CLSTN2: variants seen among roughly 807,000 people sequenced by gnomAD.
CLSTN2 encodes the protein calsyntenin-2.
CLSTN2 carries 48 observed loss-of-function variants against 101.2 expected under a neutral mutation model. The observed-to-expected ratio is 0.47, with a 90% confidence interval of 0.38 to 0.60. The LOEUF is 0.60. CLSTN2 is among the 20% of genes least tolerant of loss of function. The pLI is 0.00. For synonymous variants in CLSTN2, 481 were observed against 463.6 expected (o/e 1.04, Z -0.48); for missense variants, 1,160 against 1,238.2 (o/e 0.94, Z 0.95).
chr3:140,292,031 T>C (rs940010667), intron 2 of CLSTN2, among the ~76,000 whole-genome samples: 5 of 152,018 alleles, frequency 3.3e-5, no homozygotes, highest in Non-Finnish European at 5.9e-5. Context: ...TAAAACAAAA[T>C]CTAGATCATC....
intron 2 of CLSTN2, among the ~76,000 whole-genome samples, chr3:140,340,727 A>T (rs2087484072): frequency 6.6e-6 from 1 of 152,162 alleles, no homozygotes; most frequent in Non-Finnish European, 1.5e-5. Context: ...CAGATTTCCT[A>T]ACTTTTTACC....
chr3:140,264,375 AATATATATAT>A lies in CLSTN2; in HGVS notation c.232+88346_232+88355del, dbSNP rs61248635. ...CTGTGAGTTCAAGGTTAATGAATCA[AATATATATAT>A]ATATATATATATATATATATATATA... On this transcript the variant is annotated intron_variant, in intron 2 of 16. Coordinates refer to ENST00000458420, the MANE Select transcript of CLSTN2 (RefSeq NM_022131.3). 8.3e-3 allele frequency among the ~76,000 whole-genome samples: 819 copies of A among 98,266 alleles called. 10 individuals carry two copies. Among genetic ancestry groups the A allele is most frequent in the East Asian group, 0.012 (14 of 1,176 alleles). The allele number at this position is 98,266 out of a possible 152,430, so 64.5% of individuals were successfully genotyped here.
chr3:140,168,256 T>C (rs1234869474), intron 1 of CLSTN2, among the ~76,000 whole-genome samples: 3 of 152,188 alleles, frequency 2.0e-5, no homozygotes, highest in African/African-American at 7.2e-5. Flanking sequence ...GTGGCTTCAA[T>C]TTACATGCCC....
intron 2 of CLSTN2, among the ~76,000 whole-genome samples, chr3:140,294,448 C>A (rs1178581656): frequency 1.3e-5 from 2 of 152,184 alleles, no homozygotes; most frequent in African/African-American, 4.8e-5. Flanking sequence ...CCATTAAGAA[C>A]ATCACTGATC....
chr3:139,945,469 T>C (rs575013818), intron 1 of CLSTN2, among the ~76,000 whole-genome samples: 20 of 152,246 alleles, frequency 1.3e-4, no homozygotes, highest in Non-Finnish European at 2.6e-4. Flanking sequence ...TCTACGTCTT[T>C]CTTTCTTTAT....
intron 8 of CLSTN2, among the ~76,000 whole-genome samples, chr3:140,510,919 G>A (rs770502505): frequency 3.0e-4 from 46 of 152,268 alleles, no homozygotes; most frequent in Middle Eastern, 3.4e-3. Flanking sequence ...AGGTAAATGC[G>A]TGCCATGGTG....
At chr3:140,345,253 C>T (rs10935377) in intron 2 of CLSTN2, among the ~76,000 whole-genome samples, 78,085 of 141,722 alleles carry the variant, frequency 0.55, 22,212 homozygotes, top group Non-Finnish European at 0.63. Flanking sequence ...GCCTTTTTTT[C>T]TTTTTTTTTT....
chr3:140,110,679 T>C (rs1192430348), intron 1 of CLSTN2, among the ~76,000 whole-genome samples: 2 of 152,150 alleles, frequency 1.3e-5, no homozygotes, highest in African/African-American at 4.8e-5. Flanking sequence ...CTAAGGTTCC[T>C]TGAAGTTTGA....
At chr3:140,562,735 A>C (rs1173267549) in intron 13 of CLSTN2, 76 bp from the exon 14 acceptor site, 1 of 1,507,266 alleles carries the variant, frequency 6.6e-7, no homozygotes, top group Middle Eastern at 2.4e-4. Flanking sequence ...TTGTACCACA[A>C]GCCCTGGCTT....
At chr3:140,351,839 CA>C (rs2087610259) in intron 2 of CLSTN2, among the ~76,000 whole-genome samples, 1 of 150,762 alleles carries the variant, frequency 6.6e-6, no homozygotes, top group Non-Finnish European at 1.5e-5. Flanking sequence ...ACAGCAAGTG[CA>C]AAGGCATTGA....
chr3:140,447,387 A>G (rs1933107388), intron 5 of CLSTN2, among the ~76,000 whole-genome samples: 1 of 152,182 alleles, frequency 6.6e-6, no homozygotes. Flanking sequence ...GGAGGCAAAC[A>G]CATGTCGTCA....
intron 9 of CLSTN2, among the ~76,000 whole-genome samples, chr3:140,534,631 G>T (rs534681164): frequency 1.3e-4 from 20 of 152,314 alleles, no homozygotes; most frequent in African/African-American, 4.6e-4. Flanking sequence ...TGGATATGTA[G>T]CAAGAGGAAA....
chr3:140,341,317 C>T (rs2087490195), intron 2 of CLSTN2, among the ~76,000 whole-genome samples: 1 of 152,218 alleles, frequency 6.6e-6, no homozygotes, highest in African/African-American at 2.4e-5. Flanking sequence ...CTAGAAGTCT[C>T]AGCTGCGAAT....
At chr3:140,333,105 C>T (rs1031382530) in intron 2 of CLSTN2, among the ~76,000 whole-genome samples, 4 of 152,284 alleles carry the variant, frequency 2.6e-5, no homozygotes, top group East Asian at 1.9e-4. Flanking sequence ...TGGAGCTCAC[C>T]GAATGTTGGA....
chr3:139,994,273 C>T (rs1936164531), intron 1 of CLSTN2, among the ~76,000 whole-genome samples: 1 of 152,198 alleles, frequency 6.6e-6, no homozygotes, highest in African/African-American at 2.4e-5. Flanking sequence ...TATACCTAGC[C>T]ACATTTTTGA....
chr3:140,410,819 A>G (rs949085269), intron 4 of CLSTN2, among the ~76,000 whole-genome samples: 2 of 152,200 alleles, frequency 1.3e-5, no homozygotes, highest in Non-Finnish European at 2.9e-5. Flanking sequence ...ATAAAAGTGC[A>G]AAGCTTTTAT....
At chr3:140,242,475 G>C (rs1438126923) in intron 2 of CLSTN2, among the ~76,000 whole-genome samples, 1 of 152,114 alleles carries the variant, frequency 6.6e-6, no homozygotes, top group Non-Finnish European at 1.5e-5. Context: ...TGGAGCCCTG[G>C]TGTGCCTCAT....
At chr3:140,225,476 G>A (rs72988180) in intron 2 of CLSTN2, among the ~76,000 whole-genome samples, 4,882 of 143,406 alleles carry the variant, frequency 0.034, 244 homozygotes, top group African/African-American at 0.12. Flanking sequence ...ATGAATACGG[G>A]CACTGACATT....
intron 8 of CLSTN2, among the ~76,000 whole-genome samples, chr3:140,490,747 G>A (rs1559885145): frequency 6.6e-6 from 1 of 151,990 alleles, no homozygotes; most frequent in Admixed American, 6.6e-5. Flanking sequence ...TTGATACTAC[G>A]ATCTGCTCAG....
Sources: gnomAD v4.1 joint callset for allele counts (sites outside exome capture counted in the v4.1 genomes callset) on GRCh38, gnomAD v4.1.1 for gene constraint, MANE v1.5 for transcripts, NCBI Gene and HGNC (gene_info 2026-07-23, HGNC 2026-07-21) for gene names.